FAM90A26: variants seen among roughly 807,000 people sequenced by gnomAD.
FAM90A26 encodes the protein family with sequence similarity 90 member A26.
In FAM90A26 at chr4:9,174,896, C is replaced by T. The variant is rs1341923475; in HGVS notation, c.433-309C>T. Among the ~76,000 whole-genome samples the T allele has an allele frequency of 8.4e-5, 2 of 23,822 alleles. 1 individual carries two copies. The highest frequency in any genetic ancestry group is 5.4e-4 in the African/African-American group (2 of 3,738). 15.6% of individuals were successfully genotyped at this position (23,822 alleles called of 152,430 possible). A position where few individuals can be genotyped will look rare whatever the true frequency, so the allele number is the denominator to read the frequency against. ...AGAAGACGTCCTGAGTACCCTTGAG[C>T]CACCAACCTGCCTTCAGAAGGGCAT... On this transcript the variant is annotated intron_variant, in intron 6 of 6. Transcript: ENST00000512047.
At chr4:9,171,179 CAAAAAAAAAAAA>C (rs775199927) in intron 1 of FAM90A26, among the ~76,000 whole-genome samples, 1 of 3,438 alleles carries the variant, frequency 2.9e-4, no homozygotes, top group Non-Finnish European at 4.6e-4. Flanking sequence ...TTTGTCTCAA[CAAAAAAAAAAAA>C]AAAAAAAAAA....
Position 9,174,066 on chromosome 4 carries a change from G to A in FAM90A26, c.323+77G>A, listed in dbSNP as rs1713475737. On this transcript the variant is annotated intron_variant, in intron 5 of 6. Coordinates refer to ENST00000512047, the Ensembl canonical transcript of FAM90A26. The stretch of plus-strand genomic sequence containing the variant: ...CATGGTGTCTGTGCACCTGCACACC[G>A]TGTGCCTTTCCGTCTCCGGGCCAGG... 73 of 135,428 alleles carry A rather than the reference G, an allele frequency of 5.4e-4. 33 individuals carry two copies. Among genetic ancestry groups the A allele is most frequent in the South Asian group, 4.0e-3 (72 of 18,052 alleles). 8.4% of individuals were successfully genotyped at this position (135,428 alleles called of 1,614,324 possible).
rs1713505561 is a variant in FAM90A26, at chr4:9,175,965, G to A, written c.1193G>A (p.Arg398Lys). The A allele has an allele frequency of 2.7e-5, 6 of 224,346 alleles. 3 individuals are homozygous for A. Among genetic ancestry groups the A allele is most frequent in the Non-Finnish European group, 4.0e-5 (6 of 149,698 alleles). 13.9% of individuals were successfully genotyped at this position (224,346 alleles called of 1,614,324 possible). ...CAGCCTCTCAGAGTGCTCTTCCGGA[G>A]ACTGGAAAACGGACGCTGGAGCTCC... Residue 398 changes from arginine to lysine, a missense_variant, in exon 7 of 7, where the codon AGA becomes AAA. Coordinates refer to ENST00000512047, the Ensembl canonical transcript of FAM90A26.
chr4:9,172,215 G>GC (rs1491503847), intron 3 of FAM90A26, 46 bp downstream of exon 3: 2 of 25,960 alleles, frequency 7.7e-5, no homozygotes, highest in Admixed American at 2.9e-4. Flanking sequence ...TCCCTGAGGG[G>GC]TGGGGGGGAA....
At chr4:9,175,129 G>A in intron 6 of FAM90A26, 76 bp from the exon 7 acceptor site, 1 of 148,286 alleles carries the variant, frequency 6.7e-6, no homozygotes, top group Non-Finnish European at 1.2e-5. Context: ...TGTGCAGCCT[G>A]TCTTTGGATG....
chr4:9,176,032 G>A lies in FAM90A26; in HGVS notation c.1260G>A (p.Pro420=), dbSNP rs1218986362. 4 of 255,926 alleles carry A rather than the reference G, an allele frequency of 1.6e-5. 2 individuals are homozygous for A. In the Admixed American group the frequency reaches 2.7e-4, roughly 17 times the overall value. 15.9% of individuals were successfully genotyped at this position (255,926 alleles called of 1,614,324 possible). The change falls in exon 7 of 7, where the codon CCG becomes CCA. Residue 420 remains proline (P), a synonymous_variant. Transcript: ENST00000512047. ...CCTCATTTCACTCTCCTGAGAAGCC[G>A]GGAGCCTTCCTCGCTCAGAGCCCTC... is the stretch of plus-strand genomic sequence containing the variant.
Position 9,172,673 on chromosome 4 carries a change from G to A in FAM90A26, c.-56-444G>A, listed in dbSNP as rs1454207452. Among the ~76,000 whole-genome samples, 2 of 24,236 alleles carry A rather than the reference G, an allele frequency of 8.3e-5. 1 individual carries two copies. Among genetic ancestry groups the A allele is most frequent in the Non-Finnish European group, 1.7e-4 (2 of 11,844 alleles). The allele number at this position is 24,236 out of a possible 152,430, so 15.9% of individuals were successfully genotyped here. On this transcript the variant is annotated intron_variant, in intron 3 of 6. Coordinates refer to ENST00000512047, the Ensembl canonical transcript of FAM90A26. ...TGCCTAATGAAATGGCAGGAGTAGC[G>A]ATTCAAGTTGTGACAGGAAGCATCC...
In FAM90A26 at chr4:9,173,948, G is replaced by T; in HGVS notation, c.282G>T (p.Gly94=). 2 of 261,852 alleles carry T rather than the reference G, an allele frequency of 7.6e-6. 1 individual carries two copies. The highest frequency in any genetic ancestry group is 8.5e-5 in the South Asian group (2 of 23,616). The allele number at this position is 261,852 out of a possible 1,614,324, so 16.2% of individuals were successfully genotyped here. A position where few individuals can be genotyped will look rare whatever the true frequency, so the allele number is the denominator to read the frequency against. ...AGCCCCAGGTTGAAGCAAACCCGGG[G>T]CCCTTGAACAAGGATAAGGGAGAGA... The change falls in exon 5 of 7, where the codon GGG becomes GGT. Residue 94 remains glycine (G), a synonymous_variant. Transcript: ENST00000512047.
intron 3 of FAM90A26, 24 bp from the exon 4 acceptor site, chr4:9,173,093 C>T: frequency 6.9e-6 from 1 of 145,458 alleles, no homozygotes; most frequent in South Asian, 5.4e-5. Flanking sequence ...TAACCATCGA[C>T]GTGTGTGTTT....
rs1322459601 is a variant in FAM90A26 at position 9,174,958 on chromosome 4, G to A, written c.433-247G>A. 8.4e-5 allele frequency among the ~76,000 whole-genome samples: 2 copies of A among 23,772 alleles called. 1 individual carries two copies. The highest frequency in any genetic ancestry group is 5.3e-4 in the African/African-American group (2 of 3,762). 15.6% of individuals were successfully genotyped at this position (23,772 alleles called of 152,430 possible). ...ACTTCATGGAAGGCTGAGTGAAGGC[G>A]CTTTGATCCAGTTAATGCCCAAGAC... is the stretch of plus-strand genomic sequence containing the variant. On this transcript the variant is annotated intron_variant, in intron 6 of 6. Transcript: ENST00000512047.
exon 7 of FAM90A26, chr4:9,175,557 G>A (rs760170116): frequency 3.5e-6 from 1 of 283,174 alleles, no homozygotes; most frequent in South Asian, 4.1e-5. Flanking sequence ...CAAGACAAAC[G>A]TCCTGCGGTG....
Position 9,174,574 on chromosome 4 carries a change from C to A in FAM90A26, c.432+18C>A. The A allele has an allele frequency of 6.6e-6, 1 of 150,612 alleles. No individual in the cohort carries two copies. The highest frequency in any genetic ancestry group is 1.3e-5 in the Non-Finnish European group (1 of 78,456). 9.3% of individuals were successfully genotyped at this position (150,612 alleles called of 1,614,324 possible). ...ATCTGAGGGTGAGTGTCACTCTGGG[C>A]CCCTGGTCTTTTTGTCTTCTAGGTC... On this transcript the variant is annotated intron_variant, in intron 6 of 6. Transcript: ENST00000512047.
chr4:9,171,176 C>CA lies in FAM90A26; in HGVS notation c.-420-354dup, dbSNP rs1289720282. On this transcript the variant is annotated intron_variant, in intron 1 of 6. Coordinates refer to ENST00000512047, the Ensembl canonical transcript of FAM90A26. ...AGCCTGGGCGACAGAGACTTTGTCT[C>CA]AACAAAAAAAAAAAAAAAAAAAAAA... 5.1e-3 allele frequency among the ~76,000 whole-genome samples: 4 copies of CA among 788 alleles called. 2 individuals carry two copies. The highest frequency in any genetic ancestry group is 0.048 in the East Asian group (2 of 42). The allele number at this position is 788 out of a possible 152,430, so 0.5% of individuals were successfully genotyped here.
rs985528685 is a variant in FAM90A26, at chr4:9,172,216, T to TG, written c.-57+54dup. On this transcript the variant is annotated intron_variant, in intron 3 of 6. Coordinates refer to ENST00000512047, the Ensembl canonical transcript of FAM90A26. ...TTTGTTTCACGCAATCCCTGAGGGG[T>TG]GGGGGGGAAAAGAGACAAAGGAGGC... 1.1e-3 allele frequency: 24 copies of TG among 20,966 alleles called. 6 individuals are homozygous for TG. The highest frequency in any genetic ancestry group is 6.8e-3 in the African/African-American group (23 of 3,402). The allele number at this position is 20,966 out of a possible 1,614,324, so 1.3% of individuals were successfully genotyped here. A position where few individuals can be genotyped will look rare whatever the true frequency, so the allele number is the denominator to read the frequency against.
Position 9,174,112 on chromosome 4 carries a change from T to C in FAM90A26, c.323+123T>C, listed in dbSNP as rs1713476291. ...CCAGGGAAGCAACGCTGCAGAGAAA[T>C]AGACCGGAGCTCCGTGTCCTCCGGG... On this transcript the variant is annotated intron_variant, in intron 5 of 6. Transcript: ENST00000512047. 2 of 113,384 alleles carry C rather than the reference T, an allele frequency of 1.8e-5. 1 individual carries two copies. Among genetic ancestry groups the C allele is most frequent in the Non-Finnish European group, 3.3e-5 (2 of 61,246 alleles). 7.0% of individuals were successfully genotyped at this position (113,384 alleles called of 1,614,324 possible).
intron 6 of FAM90A26, 119 bp from the exon 7 acceptor site, chr4:9,175,086 C>T (rs1713488674): frequency 7.9e-6 from 1 of 126,788 alleles, no homozygotes; most frequent in African/African-American, 1.9e-4. Flanking sequence ...AGGGTCTGTC[C>T]CTACTTCCAA....
chr4:9,171,470 GA>G, intron 1 of FAM90A26, 61 bp from the exon 2 acceptor site: 1 of 24,106 alleles, frequency 4.1e-5, no homozygotes. Context: ...AAGACGAGCT[GA>G]AAAAGGAGCC....
At chr4:9,172,994 G>C in intron 3 of FAM90A26, 123 bp from the exon 4 acceptor site, 1 of 91,114 alleles carries the variant, frequency 1.1e-5, no homozygotes, top group Non-Finnish European at 2.1e-5. Flanking sequence ...CCACAGATTT[G>C]ACCGACTGGT....
chr4:9,174,805 A>G (rs189707372), intron 6 of FAM90A26, among the ~76,000 whole-genome samples: 2,299 of 23,728 alleles, frequency 0.097, 1,068 homozygotes, highest in African/African-American at 0.54. Flanking sequence ...AGCGGCATGA[A>G]GAAATTTGTC....
Sources: gnomAD v4.1 joint callset for allele counts (sites outside exome capture counted in the v4.1 genomes callset) on GRCh38, gnomAD v4.1.1 for gene constraint, MANE v1.5 for transcripts, NCBI Gene and HGNC (gene_info 2026-07-23, HGNC 2026-07-21) for gene names.